ABLIM2: variants seen among roughly 807,000 people sequenced by gnomAD.
ABLIM2 encodes actin-binding LIM protein 2.
A neutral mutation model predicts 97.7 loss-of-function variants in ABLIM2; 53 were observed. The observed-to-expected ratio is 0.54, with a 90% CI of 0.44 to 0.68. ABLIM2 has a LOEUF of 0.68. Among genes scored for constraint, ABLIM2 ranks in the 30% least tolerant of loss-of-function variants. The probability of loss-of-function intolerance (pLI) is 0.00; values close to 1 mark genes in which losing one functional copy is unlikely to be tolerated. For synonymous variants in ABLIM2, 361 were observed against 345.8 expected (o/e 1.04, Z -0.49); for missense variants, 835 against 867.2 (o/e 0.96, Z 0.47).
At chr4:7,976,698 TGCACACACAC>T (rs1409182796) in intron 20 of ABLIM2, among the ~76,000 whole-genome samples, 1 of 151,272 alleles carries the variant, frequency 6.6e-6, no homozygotes, top group African/African-American at 2.5e-5. Flanking sequence ...TGCACACACA[TGCACACACAC>T]GTATATCCAT....
rs71175466 is a variant in ABLIM2 at position 8,119,324 on chromosome 4, C to CTTT, written c.11-12690_11-12688dup. Among the ~76,000 whole-genome samples, 57 of 108,098 alleles carry CTTT rather than the reference C, an allele frequency of 5.3e-4. 1 individual carries two copies. The highest frequency in any genetic ancestry group is 6.3e-4 in the Non-Finnish European group (34 of 54,242). The allele number at this position is 108,098 out of a possible 152,430, so 70.9% of individuals were successfully genotyped here. ...TGTGGCACAGGTCTCGGGCTTCCTT[C>CTTT]TTTTTTTTTTTTTTTTTTTTTGAGA... On this transcript the variant is annotated intron_variant, in intron 1 of 20. Transcript: ENST00000447017.
At chr4:8,097,393 T>C in intron 2 of ABLIM2, 111 bp from the exon 3 acceptor site, 1 of 1,325,154 alleles carries the variant, frequency 7.5e-7, no homozygotes, top group Non-Finnish European at 1.0e-6. Context: ...ACACAGGCAC[T>C]GAGGCCTCGG....
rs1742363913 is a variant in ABLIM2, at chr4:7,984,885, A to T, written c.1689T>A (p.Asn563Lys). Residue 563 changes from asparagine to lysine, a missense_variant, in exon 18 of 21, where the codon AAT (asparagine) becomes AAA (lysine). Asn to Lys is a moderately conservative substitution (Grantham distance 94). Transcript: ENST00000447017. ...GKNGLDQRNA[N>K]LAPCGADPDA... ...CCGGGTCTGCTCCACAGGGGGCCAG[A>T]TTGGCATTCTGGAAGAGAAAGAGAG... The T allele has an allele frequency of 6.2e-7, 1 of 1,609,036 alleles. No individual in the cohort carries two copies. The highest frequency in any genetic ancestry group is 8.5e-7 in the Non-Finnish European group (1 of 1,178,128).
chr4:7,983,376 AC>A, intron 19 of ABLIM2, 32 bp from the exon 20 acceptor site: 1 of 1,603,098 alleles, frequency 6.2e-7, no homozygotes, highest in East Asian at 2.2e-5. Context: ...GGGTCACCTC[AC>A]GAAGCAAGTG....
chr4:8,027,672 C>T, intron 12 of ABLIM2, 87 bp downstream of exon 12: 1 of 1,100,332 alleles, frequency 9.1e-7, no homozygotes, highest in Non-Finnish European at 1.2e-6. Context: ...TCCGGTGAAG[C>T]CATGCGGCAG....
intron 1 of ABLIM2, among the ~76,000 whole-genome samples, chr4:8,131,025 GCT>G (rs1849281495): frequency 6.6e-6 from 1 of 152,170 alleles, no homozygotes; most frequent in Admixed American, 6.5e-5. Flanking sequence ...CCAGCCTCTG[GCT>G]CTGTGGTCAC....
Position 8,071,828 on chromosome 4 carries a change from C to G in ABLIM2, c.675+5800G>C. ...CGGCCCTGCTTGAGTGCCGTGCTCC[C>G]TGGAACGTGTGCCTGCGAGGGTGGA... On this transcript the variant is annotated intron_variant, in intron 6 of 20. Coordinates refer to ENST00000447017, the MANE Select transcript of ABLIM2 (RefSeq NM_001130083.2). The surrounding 1 kb of genome is among the most constrained non-coding windows in gnomAD (Gnocchi z 6.2). 1 of 985,472 alleles carries G rather than the reference C, an allele frequency of 1.0e-6. No individual in the cohort carries two copies. Among genetic ancestry groups the G allele is most frequent in the Non-Finnish European group, 1.2e-6 (1 of 829,980 alleles). The allele number at this position is 985,472 out of a possible 1,614,324, so 61.0% of individuals were successfully genotyped here.
chr4:8,074,817 G>A (rs1050812888), intron 6 of ABLIM2, among the ~76,000 whole-genome samples: 8 of 128,380 alleles, frequency 6.2e-5, no homozygotes, highest in African/African-American at 2.1e-4. Flanking sequence ...GTCTCGCTCT[G>A]TAGCCCAGGC....
chr4:8,057,638 A>G lies in ABLIM2; in HGVS notation c.763+3329T>C, dbSNP rs116816149. On this transcript the variant is annotated intron_variant, in intron 7 of 20. Coordinates refer to ENST00000447017, the MANE Select transcript of ABLIM2 (RefSeq NM_001130083.2). ...TTTATCTTTTCACCCCAGTGGGAAAAAGGAGTATCTCATTATTTTAATACG... is the reference window on the plus strand; with the variant it reads ...TTTATCTTTTCACCCCAGTGGGAAAGAGGAGTATCTCATTATTTTAATACG... Among the ~76,000 whole-genome samples, 1,062 of 152,254 alleles carry G rather than the reference A, an allele frequency of 7.0e-3. 7 individuals carry two copies. The highest frequency in any genetic ancestry group is 0.024 in the African/African-American group (1,017 of 41,544).
chr4:8,037,606 C>T (rs1481664919), intron 9 of ABLIM2, among the ~76,000 whole-genome samples: 3 of 152,120 alleles, frequency 2.0e-5, no homozygotes, highest in South Asian at 2.1e-4. Flanking sequence ...CACCCACAAA[C>T]GTGCATGCAC....
chr4:7,976,659 C>T (rs1314422952), intron 20 of ABLIM2, among the ~76,000 whole-genome samples: 6 of 152,064 alleles, frequency 3.9e-5, no homozygotes, highest in Admixed American at 6.6e-5. Context: ...CCTCATCTTA[C>T]ACAACACATG....
chr4:8,105,449 C>G (rs570333842), intron 2 of ABLIM2, among the ~76,000 whole-genome samples: 3 of 152,358 alleles, frequency 2.0e-5, no homozygotes, highest in East Asian at 3.9e-4. Flanking sequence ...CTCCTAGAGC[C>G]TTTGTGGAGC....
rs1415128348 is a variant in ABLIM2, at chr4:8,095,082, CTCTCTT to C, written c.338+2011_338+2016del. Among the ~76,000 whole-genome samples the C allele has an allele frequency of 9.8e-4, 136 of 138,234 alleles. 1 individual carries two copies. The highest frequency in any genetic ancestry group is 2.7e-3 in the African/African-American group (105 of 38,942). The allele number at this position is 138,234 out of a possible 152,430, so 90.7% of individuals were successfully genotyped here. On this transcript the variant is annotated intron_variant, in intron 3 of 20. Coordinates refer to ENST00000447017, the MANE Select transcript of ABLIM2 (RefSeq NM_001130083.2). The surrounding 1 kb of genome is among the most constrained non-coding windows in gnomAD (Gnocchi z 4.7). The stretch of plus-strand genomic sequence containing the variant: ...TTTCTCTTTCTTTCTTTCTCTCTCT[CTCTCTT>C]TCTTTCTTTCTCTTTCCTTTTCTTT...
rs1032519059 is a variant in ABLIM2 at position 8,032,062 on chromosome 4, A to G, written c.1048-2286T>C. 3.9e-5 allele frequency among the ~76,000 whole-genome samples: 6 copies of G among 152,126 alleles called. No individual in the cohort carries two copies. The highest frequency in any genetic ancestry group is 1.4e-4 in the African/African-American group (6 of 41,418). ...TTACAATGGCATCAAGCACAGGGGA[A>G]GAGCTCAGGGCACGGTCACTGCCCA... On this transcript the variant is annotated intron_variant, in intron 10 of 20. Coordinates refer to ENST00000447017, the MANE Select transcript of ABLIM2 (RefSeq NM_001130083.2). This position sits in a 1 kb window ranked among gnomAD's most constrained non-coding sequence, Gnocchi z 4.3.
At chr4:8,007,202 C>T in intron 16 of ABLIM2, 1 of 985,160 alleles carries the variant, frequency 1.0e-6, no homozygotes, top group Non-Finnish European at 1.2e-6. Flanking sequence ...TGAGCAGCTA[C>T]TATGGCCGGC....
rs1781495270 is a variant in ABLIM2, at chr4:8,032,369, GC to G, written c.1048-2594del. Among the ~76,000 whole-genome samples the G allele has an allele frequency of 6.6e-6, 1 of 152,178 alleles. No individual in the cohort carries two copies. Among genetic ancestry groups the G allele is most frequent in the Non-Finnish European group, 1.5e-5 (1 of 68,030 alleles). On this transcript the variant is annotated intron_variant, in intron 10 of 20. Coordinates refer to ENST00000447017, the MANE Select transcript of ABLIM2 (RefSeq NM_001130083.2). This position sits in a 1 kb window ranked among gnomAD's most constrained non-coding sequence, Gnocchi z 4.3. ...GATCCTGAATTTTCCCCTAAAGGAA[GC>G]CACGGCCCAGACCACGATCTGCTCA...
intron 20 of ABLIM2, among the ~76,000 whole-genome samples, chr4:7,973,482 C>CA (rs1272813827): frequency 6.2e-5 from 9 of 144,096 alleles, no homozygotes; most frequent in African/African-American, 2.1e-4. Context: ...GTCTGGGTGA[C>CA]AGAGTGAGAC....
In ABLIM2 at chr4:8,080,664, C is replaced by T. The variant is rs1819233133; in HGVS notation, c.581+12G>A. On this transcript the variant is annotated intron_variant, in intron 5 of 20. Coordinates refer to ENST00000447017, the MANE Select transcript of ABLIM2 (RefSeq NM_001130083.2). ...GAGCGGAGGCTCTCACTAGAGCCCT[C>T]CCCCCACTTACTTGCTGATGTACTC... 6.3e-7 allele frequency: 1 copy of T among 1,592,834 alleles called. No homozygotes were observed. The highest frequency in any genetic ancestry group is 1.7e-5 in the Admixed American group (1 of 58,432).
chr4:8,031,186 T>A (rs1463681760), intron 10 of ABLIM2, among the ~76,000 whole-genome samples: 1 of 152,224 alleles, frequency 6.6e-6, no homozygotes, highest in Non-Finnish European at 1.5e-5. Context: ...TGACCACCTC[T>A]GGACCAGAAG....
Sources: gnomAD v4.1 joint callset for allele counts (sites outside exome capture counted in the v4.1 genomes callset) on GRCh38, gnomAD v4.1.1 for gene constraint, Gnocchi (gnomAD v3.1) non-coding constraint, MANE v1.5 for transcripts, NCBI Gene and HGNC (gene_info 2026-07-23, HGNC 2026-07-21) for gene names.